Variants in CWC25 observed in about 807,000 individuals in gnomAD.
The protein encoded by CWC25 is pre-mRNA-splicing factor CWC25 homolog.
In CWC25, 31 loss-of-function variants were observed where a neutral mutation model predicts 54.6. The ratio of observed to expected loss-of-function variants is 0.57; its 90% CI spans 0.43 to 0.77. The LOEUF (loss-of-function observed/expected upper bound fraction) is 0.77. CWC25 is among the 30% of genes least tolerant of loss of function. CWC25 has a pLI of 0.00. For missense variants in CWC25, 453 were observed against 529.3 expected (o/e 0.86, Z 1.41); for synonymous variants, 151 against 187.0 (o/e 0.81, Z 1.57).
intron 2 of CWC25, among the ~76,000 whole-genome samples, chr17:38,818,049 G>A (rs921952554): frequency 1.3e-5 from 2 of 151,332 alleles, no homozygotes; most frequent in Admixed American, 6.6e-5. Flanking sequence ...AGGCTGAAGC[G>A]GGCAGATCAC....
rs1011782845 is a variant in CWC25, at chr17:38,801,617, C to T, written c.*475G>A. The T allele has an allele frequency of 6.5e-6, 1 of 152,928 alleles. No individual in the cohort carries two copies. The highest frequency in any genetic ancestry group is 2.4e-5 in the African/African-American group (1 of 41,482). 9.5% of individuals were successfully genotyped at this position (152,928 alleles called of 1,614,324 possible). ...TTGATTTTCCAGATTCTGTCACTCC[C>T]TTGGCTTTGACCTAACCTGACATCA... On this transcript the variant is annotated 3_prime_UTR_variant, in exon 10 of 10. Transcript: ENST00000614790.
intron 1 of CWC25, among the ~76,000 whole-genome samples, chr17:38,824,122 C>A (rs1338931724): frequency 8.5e-5 from 13 of 152,168 alleles, no homozygotes; most frequent in Non-Finnish European, 2.9e-5. Flanking sequence ...ACTGGGCAGG[C>A]GGCTAAGCTG....
chr17:38,807,538 C>T (rs1911304718), intron 6 of CWC25, among the ~76,000 whole-genome samples: 1 of 139,756 alleles, frequency 7.2e-6, no homozygotes, highest in African/African-American at 2.6e-5. Context: ...AGGAGGACTG[C>T]CTGAGATCAA....
intron 2 of CWC25, among the ~76,000 whole-genome samples, chr17:38,819,251 G>C (rs1027193164): frequency 4.0e-5 from 6 of 150,878 alleles, no homozygotes; most frequent in Non-Finnish European, 8.9e-5. Context: ...CCAGGCTGGA[G>C]TGCAATGGCG....
intron 3 of CWC25, among the ~76,000 whole-genome samples, chr17:38,813,486 A>C (rs1217434877): frequency 6.6e-6 from 1 of 151,588 alleles, no homozygotes; most frequent in Non-Finnish European, 1.5e-5. Flanking sequence ...AAAAATAAAT[A>C]AATAAAAAAC....
At chr17:38,802,399 A>C (rs1210567945) in intron 9 of CWC25, among the ~76,000 whole-genome samples, 193 bp from the exon 10 acceptor site, 1 of 152,214 alleles carries the variant, frequency 6.6e-6, no homozygotes, top group Admixed American at 6.5e-5. Context: ...CATAAGGGAA[A>C]ATGTATCTGT....
In CWC25 at chr17:38,814,725, G is replaced by C. The variant is rs577421932; in HGVS notation, c.428+136C>G. On this transcript the variant is annotated intron_variant, in intron 3 of 9. Coordinates refer to ENST00000614790, the MANE Select transcript of CWC25 (RefSeq NM_017748.5). ...CGCGCCACTGCACTTCAGCCTGGGC[G>C]ACAGAGCGAGACTCCGTCTCAAAAA... 105 of 677,402 alleles carry C rather than the reference G, an allele frequency of 1.6e-4. No individual in the cohort carries two copies. The East Asian group carries it at 2.9e-3, about 19-fold the overall frequency. The allele number at this position is 677,402 out of a possible 1,614,324, so 42.0% of individuals were successfully genotyped here.
chr17:38,813,775 C>T (rs954216949), intron 3 of CWC25, among the ~76,000 whole-genome samples: 1 of 152,076 alleles, frequency 6.6e-6, no homozygotes, highest in Non-Finnish European at 1.5e-5. Flanking sequence ...ATTTCCTGGG[C>T]TCAAGCAATC....
intron 2 of CWC25, among the ~76,000 whole-genome samples, chr17:38,815,947 C>T (rs1024918745): frequency 6.6e-6 from 1 of 152,132 alleles, no homozygotes; most frequent in Admixed American, 6.6e-5. Flanking sequence ...GAGCCAAACA[C>T]TGAATACGTG....
Position 38,821,050 on chromosome 17 carries a change from C to T in CWC25, c.42G>A (p.Pro14=), listed in dbSNP as rs202227507. The change falls in exon 2 of 10, where the codon CCG becomes CCA. Residue 14 remains proline, a synonymous_variant. Coordinates refer to ENST00000614790, the MANE Select transcript of CWC25 (RefSeq NM_017748.5). ...GDLNLKKSWH[P]QTLRNVEKVW... ...CTTTCTCCACATTCCTGAGGGTCTGCGGGTGCCAGCTCTTCTTCAGATTCT... is the reference window on the plus strand; with the variant it reads ...CTTTCTCCACATTCCTGAGGGTCTGTGGGTGCCAGCTCTTCTTCAGATTCT... The T allele has an allele frequency of 3.6e-5, 58 of 1,612,138 alleles. No homozygotes were observed. The East Asian group carries it at 1.1e-3, about 32-fold the overall frequency.
chr17:38,814,757 A>C, intron 3 of CWC25, 104 bp downstream of exon 3: 6 of 894,466 alleles, frequency 6.7e-6, no homozygotes, highest in Non-Finnish European at 9.9e-6. Flanking sequence ...AAAAAAAAAA[A>C]AAAAAAAAAA....
At chr17:38,802,584 G>T in intron 9 of CWC25, 116 bp downstream of exon 9, 1 of 1,145,108 alleles carries the variant, frequency 8.7e-7, no homozygotes, top group Non-Finnish European at 1.2e-6. Context: ...AGCCAAGGTG[G>T]TCTGAAGGCT....
intron 9 of CWC25, 79 bp from the exon 10 acceptor site, chr17:38,802,285 G>T: frequency 1.0e-6 from 1 of 963,468 alleles, no homozygotes; most frequent in Non-Finnish European, 1.6e-6. Flanking sequence ...AGAAGAAATG[G>T]GTTGTTAGCC....
At chr17:38,815,518 C>A in intron 2 of CWC25, 1 of 515,754 alleles carries the variant, frequency 1.9e-6, no homozygotes, top group South Asian at 1.6e-5. Context: ...CGCCACTGCA[C>A]TCCAGCCTGG....
chr17:38,825,142 C>A, intron 1 of CWC25, 24 bp downstream of exon 1: 1 of 1,534,388 alleles, frequency 6.5e-7, no homozygotes, highest in East Asian at 2.4e-5. Flanking sequence ...CAGTCCTCCC[C>A]CGCCCAGGCC....
intron 6 of CWC25, 142 bp downstream of exon 6, chr17:38,809,560 C>T: frequency 4.6e-6 from 3 of 649,788 alleles, no homozygotes; most frequent in Non-Finnish European, 8.0e-6. Flanking sequence ...GGTCATCAGC[C>T]ACAAGAAGGT....
chr17:38,815,793 A>C (rs1911673148), intron 2 of CWC25: 6 of 695,466 alleles, frequency 8.6e-6, no homozygotes, highest in Non-Finnish European at 1.0e-5. Flanking sequence ...ATCAAGAACA[A>C]TTTCAGTGAC....
chr17:38,806,171 G>A, intron 8 of CWC25, 126 bp downstream of exon 8: 2 of 801,470 alleles, frequency 2.5e-6, no homozygotes, highest in Non-Finnish European at 4.2e-6. Context: ...ACCCTTACAG[G>A]TTGGCAAGAT....
At chr17:38,816,406 TTGC>T (rs1911701270) in intron 2 of CWC25, among the ~76,000 whole-genome samples, 1 of 151,592 alleles carries the variant, frequency 6.6e-6, no homozygotes, top group Non-Finnish European at 1.5e-5. Context: ...CCACCATGCC[TTGC>T]TGATTTTTTA....
Sources: allele counts gnomAD v4.1 joint callset (sites outside exome capture counted in the v4.1 genomes callset), GRCh38; gene constraint gnomAD v4.1.1; transcripts MANE v1.5; gene names NCBI Gene and HGNC (gene_info 2026-07-23, HGNC 2026-07-21).